TSHZ3: variants seen among roughly 807,000 people sequenced by gnomAD.
TSHZ3 encodes the protein teashirt homolog 3.
TSHZ3 carries 10 observed loss-of-function variants against 64.5 expected under a neutral mutation model. That is an observed-to-expected ratio of 0.16 (90% CI 0.10 to 0.26). The LOEUF (loss-of-function observed/expected upper bound fraction) is 0.26. Ranked by LOEUF, TSHZ3 falls within the 10% of genes least tolerant of loss-of-function variation. The probability of loss-of-function intolerance (pLI) is 1.00; values close to 1 mark genes in which losing one functional copy is unlikely to be tolerated. For synonymous variants in TSHZ3, 608 were observed against 593.1 expected, an observed-to-expected ratio of 1.03 and a Z score of -0.36; for missense variants, 1,242 against 1,421.7, an observed-to-expected ratio of 0.87 and a Z score of 2.03.
Position 31,156,636 on chromosome 19 carries a change from C to G in TSHZ3, n.810-219G>C, listed in dbSNP as rs1006245214. 2.6e-5 allele frequency among the ~76,000 whole-genome samples: 4 copies of G among 152,236 alleles called. No individual in the cohort carries two copies. The East Asian group carries it at 7.7e-4, about 29-fold the overall frequency. On this transcript the variant is annotated intron_variant and non_coding_transcript_variant, in intron 5 of 6. Coordinates refer to the TSHZ3 transcript ENST00000651361. ...ACCTCTGGAAATGATGTTATAAGAC[C>G]AGGAAATTGATTTCCTGCATTGCAA... is the stretch of plus-strand genomic sequence containing the variant.
Position 31,349,276 on chromosome 19 carries a change from AG to A in TSHZ3, c.-58del. On this transcript the variant is annotated 5_prime_UTR_variant, in exon 1 of 2. Coordinates refer to ENST00000240587, the MANE Select transcript of TSHZ3 (RefSeq NM_020856.4). ...CCGCCGCCGCTGCCGGGCTGAGGAC[AG>A]GGAGGGAGGGGGCGGCGGGCCCGCG... is the stretch of plus-strand genomic sequence containing the variant. 2 of 1,344,268 alleles carry A rather than the reference AG, an allele frequency of 1.5e-6. No individual in the cohort carries two copies. The highest frequency in any genetic ancestry group is 3.7e-5 in the African/African-American group (1 of 27,314). 83.3% of individuals were successfully genotyped at this position (1,344,268 alleles called of 1,614,324 possible). A position where few individuals can be genotyped will look rare whatever the true frequency, so the allele number is the denominator to read the frequency against.
chr19:31,304,966 G>C (rs1457555666), intron 1 of TSHZ3, among the ~76,000 whole-genome samples: 1 of 152,174 alleles, frequency 6.6e-6, no homozygotes, highest in Non-Finnish European at 1.5e-5. Flanking sequence ...TTTAATAACT[G>C]TGATCAGTTG....
intron 1 of TSHZ3, among the ~76,000 whole-genome samples, chr19:31,321,424 G>A (rs113890283): frequency 1.4e-4 from 22 of 152,306 alleles, no homozygotes; most frequent in East Asian, 9.7e-4. Flanking sequence ...TCCAGAGACC[G>A]TTCCCCGTTG....
At chr19:31,217,184 G>A (rs1599588668) in intron 4 of TSHZ3, among the ~76,000 whole-genome samples, 1 of 152,140 alleles carries the variant, frequency 6.6e-6, no homozygotes, top group Admixed American at 6.5e-5. Flanking sequence ...GGGGTTAAGG[G>A]GCAGAGACAG....
chr19:31,228,957 G>A (rs1238511147), intron 3 of TSHZ3, among the ~76,000 whole-genome samples: 1 of 152,148 alleles, frequency 6.6e-6, no homozygotes, highest in Non-Finnish European at 1.5e-5. Flanking sequence ...AGACCTGTGG[G>A]TTCCAAATTT....
intron 5 of TSHZ3, among the ~76,000 whole-genome samples, chr19:31,165,258 C>T (rs1419982322): frequency 2.0e-5 from 3 of 152,238 alleles, no homozygotes; most frequent in Non-Finnish European, 2.9e-5. Flanking sequence ...GGAACCCTCA[C>T]CACAGCAATT....
intron 1 of TSHZ3, among the ~76,000 whole-genome samples, chr19:31,348,238 A>G (rs928389770): frequency 6.6e-6 from 1 of 152,180 alleles, no homozygotes; most frequent in Non-Finnish European, 1.5e-5. Context: ...TTTATTGGGA[A>G]TGAATAGATC....
intron 1 of TSHZ3, among the ~76,000 whole-genome samples, chr19:31,245,696 G>A (rs1043712852): frequency 6.6e-6 from 1 of 152,064 alleles, no homozygotes; most frequent in African/African-American, 2.4e-5. Flanking sequence ...GATTACATGG[G>A]GTCTCCATAC....
At chr19:31,194,992 A>G (rs990734260) in intron 5 of TSHZ3, among the ~76,000 whole-genome samples, 2 of 152,188 alleles carry the variant, frequency 1.3e-5, no homozygotes, top group African/African-American at 4.8e-5. Context: ...TGAAGAAAGA[A>G]TCTCTGAGCT....
At chr19:31,326,462 T>C (rs1198506151) in intron 1 of TSHZ3, among the ~76,000 whole-genome samples, 11 of 152,256 alleles carry the variant, frequency 7.2e-5, no homozygotes, top group Admixed American at 7.2e-4. Context: ...AGAGCAGCCC[T>C]GCATGCTTAG....
intron 1 of TSHZ3, among the ~76,000 whole-genome samples, chr19:31,262,068 T>C (rs1975988380): frequency 6.6e-6 from 1 of 152,256 alleles, no homozygotes; most frequent in Non-Finnish European, 1.5e-5. Flanking sequence ...AATTATCTTG[T>C]CATTCTGACC....
chr19:31,348,138 G>A (rs539754217), intron 1 of TSHZ3, among the ~76,000 whole-genome samples: 1 of 152,312 alleles, frequency 6.6e-6, no homozygotes, highest in Non-Finnish European at 1.5e-5. Context: ...TGGTCCTCTC[G>A]GCAATCCGCC....
Position 31,279,182 on chromosome 19 carries a change from T to C in TSHZ3, c.611A>G (p.Tyr204Cys), listed in dbSNP as rs1332699997. The change falls in exon 2 of 2, where the codon TAT becomes TGT. Residue 204 changes from tyrosine (Y) to cysteine (C), a missense_variant. This residue lies in a region of TSHZ3 where 555 missense variants were observed against 704.0 expected (regional missense o/e 0.79). Transcript: ENST00000240587. This position sits in a 1 kb window ranked among gnomAD's most constrained non-coding sequence, Gnocchi z 6.4. ...GCTGGCCCCCGTGAAGATGGAGCCA[T>C]AGAGCTTGCTGCTCTGCCGGTACAG... ...VQLYRQSSKL[Y>C]GSIFTGASKF... 1.9e-6 allele frequency: 3 copies of C among 1,613,782 alleles called. No homozygotes were observed. Among genetic ancestry groups the C allele is most frequent in the Non-Finnish European group, 2.5e-6 (3 of 1,179,722 alleles).
At chr19:31,182,382 C>T (rs770872190) in intron 5 of TSHZ3, among the ~76,000 whole-genome samples, 5 of 152,300 alleles carry the variant, frequency 3.3e-5, no homozygotes, top group Non-Finnish European at 5.9e-5. Context: ...CTCCTAGCTG[C>T]GCCCAGCTGA....
intron 5 of TSHZ3, among the ~76,000 whole-genome samples, chr19:31,203,498 TG>T (rs1010266761): frequency 2.0e-5 from 3 of 150,624 alleles, no homozygotes; most frequent in Admixed American, 1.3e-4. Context: ...AAGGTGGGGG[TG>T]GGTAGCAAGG....
At chr19:31,283,451 A>T (rs1242189221) in intron 1 of TSHZ3, among the ~76,000 whole-genome samples, 1 of 152,256 alleles carries the variant, frequency 6.6e-6, no homozygotes, top group East Asian at 1.9e-4. Flanking sequence ...ATGTTCTAGA[A>T]AATGGAAATG....
chr19:31,263,993 G>A (rs1166891743), intron 1 of TSHZ3, among the ~76,000 whole-genome samples: 1 of 152,206 alleles, frequency 6.6e-6, no homozygotes, highest in East Asian at 1.9e-4. Flanking sequence ...CCTTGGGCAA[G>A]TCACTCCTCC....
At chr19:31,215,398 G>C (rs1975313045) in intron 4 of TSHZ3, among the ~76,000 whole-genome samples, 3 of 152,016 alleles carry the variant, frequency 2.0e-5, no homozygotes, top group Admixed American at 2.0e-4. Context: ...AAACATCAAA[G>C]AACATCAATG....
At position 31,277,525 on chromosome 19, in the gene TSHZ3, G is replaced by A; in HGVS notation, c.2268C>T (p.Ser756=). The A allele has an allele frequency of 6.2e-7, 1 of 1,603,434 alleles. No homozygotes were observed. The highest frequency in any genetic ancestry group is 8.5e-7 in the Non-Finnish European group (1 of 1,173,544). ...TGGCCACAGCAGCCTTCTCCGCCAG[G>A]CTGTTGCTCATCTTGAAAAGCATGC... is the stretch of plus-strand genomic sequence containing the variant. ...PMSMLFKMSN[S]LAEKAAVATP... The change falls in exon 2 of 2, where the codon AGC becomes AGT. Residue 756 remains serine (S), a synonymous_variant. Transcript: ENST00000240587. This position sits in a 1 kb window ranked among gnomAD's most constrained non-coding sequence, Gnocchi z 4.5.
Sources: gnomAD v4.1 joint callset for allele counts (sites outside exome capture counted in the v4.1 genomes callset) on GRCh38, gnomAD v4.1.1 for gene constraint, gnomAD v4.1.1 regional missense constraint, Gnocchi (gnomAD v3.1) non-coding constraint, MANE v1.5 for transcripts, NCBI Gene and HGNC (gene_info 2026-07-23, HGNC 2026-07-21) for gene names.